ABHD18: variants seen among roughly 807,000 people sequenced by gnomAD.
ABHD18 encodes cardiolipin-specific deacylase, mitochondrial.
A neutral mutation model predicts 65.9 loss-of-function variants in ABHD18; 55 were observed. The ratio of observed to expected loss-of-function variants is 0.84; its 90% CI spans 0.67 to 1.05. ABHD18 has a LOEUF of 1.05. Ranked by LOEUF, ABHD18 falls within the 50% of genes least tolerant of loss-of-function variation. ABHD18 has a pLI of 0.00. For synonymous variants in ABHD18, 181 were observed against 180.2 expected (o/e 1.00, Z -0.04); for missense variants, 533 against 558.5 (o/e 0.95, Z 0.46).
At chr4:128,005,486 A>G (rs555134760) in intron 4 of ABHD18, among the ~76,000 whole-genome samples, 1 of 152,120 alleles carries the variant, frequency 6.6e-6, no homozygotes, top group African/African-American at 2.4e-5. Context: ...TTTAAGAGAC[A>G]GGGTCTCACT....
At chr4:128,031,055 T>G in intron 12 of ABHD18, 2 of 998,276 alleles carry the variant, frequency 2.0e-6, no homozygotes, top group Non-Finnish European at 2.4e-6. Context: ...GTGGAATAAT[T>G]TAGCAATGTT....
At chr4:128,034,345 C>G (rs75390812) in intron 12 of ABHD18, among the ~76,000 whole-genome samples, 5 of 152,044 alleles carry the variant, frequency 3.3e-5, no homozygotes, top group African/African-American at 1.2e-4. Context: ...TTTTCCCCTT[C>G]CTATGTTTTG....
intron 4 of ABHD18, among the ~76,000 whole-genome samples, chr4:128,005,821 C>A (rs1753505386): frequency 6.6e-6 from 1 of 152,138 alleles, no homozygotes; most frequent in Non-Finnish European, 1.5e-5. Context: ...GAGGATACTT[C>A]CCTTATCTCA....
intron 11 of ABHD18, 50 bp from the exon 12 acceptor site, chr4:128,030,456 GTTTT>G (rs1007588749): frequency 5.5e-6 from 7 of 1,270,594 alleles, no homozygotes; most frequent in African/African-American, 1.5e-5. Flanking sequence ...CATTGTGTGG[GTTTT>G]TTTATTTTCT....
In ABHD18 at chr4:128,030,538, G is replaced by T. The variant is rs758207817; in HGVS notation, c.1209G>T (p.Val403=). The change falls in exon 12 of 13, where the codon GTG becomes GTT. Residue 403 remains valine, a synonymous_variant. Transcript: ENST00000645843. ...SVPVDPSLII[V]VQAKEDAYIP... Reference sequence around the variant, plus strand: ...CAGTTGATCCAAGCCTCATTATAGTGGTTCAAGCCAAAGAAGATGCCTATA... The same window carrying T: ...CAGTTGATCCAAGCCTCATTATAGTTGTTCAAGCCAAAGAAGATGCCTATA... The T allele has an allele frequency of 3.8e-6, 6 of 1,591,430 alleles. No homozygotes were observed. The highest frequency in any genetic ancestry group is 5.1e-6 in the Non-Finnish European group (6 of 1,174,966).
intron 1 of ABHD18, among the ~76,000 whole-genome samples, chr4:127,979,275 G>T (rs941836996): frequency 7.9e-5 from 12 of 152,226 alleles, no homozygotes; most frequent in Non-Finnish European, 1.5e-4. Context: ...CACCAAAAAG[G>T]CTGGGCGCGG....
chr4:128,008,321 G>T (rs1753978390), intron 4 of ABHD18, among the ~76,000 whole-genome samples: 1 of 141,780 alleles, frequency 7.1e-6, no homozygotes, highest in Non-Finnish European at 1.5e-5. Context: ...ACCCAGGCTG[G>T]AGTGCAGTGG....
chr4:128,018,742 G>C (rs941964354), intron 8 of ABHD18, among the ~76,000 whole-genome samples: 1 of 151,996 alleles, frequency 6.6e-6, no homozygotes, highest in African/African-American at 2.4e-5. Context: ...TGCTGGGCAC[G>C]GTGGTTCACA....
chr4:128,001,838 T>G, intron 4 of ABHD18: 1 of 1,357,676 alleles, frequency 7.4e-7, no homozygotes, highest in East Asian at 3.1e-5. Context: ...TGAGTTTTGT[T>G]TTGTTTTGTT....
intron 7 of ABHD18, among the ~76,000 whole-genome samples, chr4:128,012,920 G>C (rs1754816475): frequency 6.6e-6 from 1 of 151,714 alleles, no homozygotes; most frequent in South Asian, 2.1e-4. Context: ...ACAAAAATTA[G>C]CCAGGCATGG....
chr4:127,975,025 AACT>A (rs1747645870), intron 1 of ABHD18, among the ~76,000 whole-genome samples: 1 of 143,530 alleles, frequency 7.0e-6, no homozygotes, highest in East Asian at 2.0e-4. Flanking sequence ...AAAAATAGTG[AACT>A]ACTGCTTACT....
At chr4:127,982,231 G>A (rs1749183287) in intron 1 of ABHD18, among the ~76,000 whole-genome samples, 1 of 152,098 alleles carries the variant, frequency 6.6e-6, no homozygotes, top group African/African-American at 2.4e-5. Context: ...TTTAAGTAGA[G>A]TAAACCCTGA....
At chr4:128,004,842 G>A (rs1321564643) in intron 4 of ABHD18, among the ~76,000 whole-genome samples, 2 of 151,526 alleles carry the variant, frequency 1.3e-5, no homozygotes, top group African/African-American at 2.4e-5. Flanking sequence ...GCCCGGAGGT[G>A]GAGGTTGCAG....
intron 2 of ABHD18, 113 bp from the exon 3 acceptor site, chr4:127,984,226 T>A (rs781260939): frequency 3.5e-5 from 20 of 568,654 alleles, no homozygotes; most frequent in Non-Finnish European, 5.6e-5. Flanking sequence ...TAATATGGCT[T>A]ATGAACTGGA....
intron 9 of ABHD18, among the ~76,000 whole-genome samples, chr4:128,020,397 C>A (rs1560915613): frequency 6.6e-6 from 1 of 152,164 alleles, no homozygotes; most frequent in Admixed American, 6.5e-5. Context: ...AACAAGCTTC[C>A]AAGAGTCCTC....
At chr4:128,029,862 C>T (rs115660528) in intron 11 of ABHD18, among the ~76,000 whole-genome samples, 1 of 151,992 alleles carries the variant, frequency 6.6e-6, no homozygotes, top group Admixed American at 6.6e-5. Context: ...GTGGCATATG[C>T]TTATAGTCCC....
At chr4:127,999,996 CAT>C (rs750057043) in intron 4 of ABHD18, among the ~76,000 whole-genome samples, 3 of 152,188 alleles carry the variant, frequency 2.0e-5, no homozygotes, top group Non-Finnish European at 2.9e-5. Flanking sequence ...AGGCACATCT[CAT>C]ATGGTGACAA....
intron 1 of ABHD18, among the ~76,000 whole-genome samples, chr4:127,981,251 G>A (rs935656903): frequency 6.6e-6 from 1 of 152,094 alleles, no homozygotes; most frequent in Non-Finnish European, 1.5e-5. Flanking sequence ...CTTATGATGG[G>A]TTTATTGGGA....
rs1579149570 is a variant in ABHD18, at chr4:127,977,689, C to T, written c.-17-5250C>T. 3.3e-5 allele frequency among the ~76,000 whole-genome samples: 5 copies of T among 152,054 alleles called. No homozygotes were observed. The South Asian group carries it at 8.3e-4, about 25-fold the overall frequency. ...AGAAAGATGCATATTGCATTACAAA[C>T]GAATAAGTCTCTGCTAAATGTTTGA... On this transcript the variant is annotated intron_variant, in intron 1 of 12. Transcript: ENST00000645843.
Sources: allele counts gnomAD v4.1 joint callset (sites outside exome capture counted in the v4.1 genomes callset), GRCh38; gene constraint gnomAD v4.1.1; transcripts MANE v1.5; gene names NCBI Gene and HGNC (gene_info 2026-07-23, HGNC 2026-07-21).